Variants in PCDHA7 observed in about 807,000 individuals in gnomAD.
PCDHA7 encodes the protein protocadherin alpha-7.
Under a neutral mutation model 57.2 loss-of-function variants are expected in PCDHA7, and 37 were observed. The ratio of observed to expected loss-of-function variants is 0.65; its 90% CI spans 0.50 to 0.85. The LOEUF is 0.85. Among genes scored for constraint, PCDHA7 ranks in the 40% least tolerant of loss-of-function variants. The probability of loss-of-function intolerance (pLI) is 0.00; values close to 1 mark genes in which losing one functional copy is unlikely to be tolerated. For synonymous variants in PCDHA7, 553 were observed against 558.8 expected, an observed-to-expected ratio of 0.99 and a Z score of 0.15; for missense variants, 1,188 against 1,241.8, an observed-to-expected ratio of 0.96 and a Z score of 0.65.
At chr5:140,850,843 CA>C in intron 1 of PCDHA7, 1 of 1,597,346 alleles carries the variant, frequency 6.3e-7, no homozygotes, top group Non-Finnish European at 8.6e-7. Flanking sequence ...GCTGGATCTA[CA>C]GAGCGAACGG....
intron 1 of PCDHA7, among the ~76,000 whole-genome samples, chr5:140,908,608 G>T (rs1350424326): frequency 6.6e-6 from 1 of 152,182 alleles, no homozygotes; most frequent in African/African-American, 2.4e-5. Flanking sequence ...GAAGGGCCTT[G>T]CTCCAAAATC....
At chr5:140,881,388 G>A (rs2058697659) in intron 1 of PCDHA7, 1 of 983,292 alleles carries the variant, frequency 1.0e-6, no homozygotes, top group Non-Finnish European at 1.2e-6. Context: ...GCGGCGGTAA[G>A]TTAAATTCTA....
chr5:140,882,555 G>A (rs1554174539), intron 1 of PCDHA7: 1 of 1,614,272 alleles, frequency 6.2e-7, no homozygotes, highest in Admixed American at 1.7e-5. Flanking sequence ...GAGGAGCTGT[G>A]TGGGCGGAGC....
chr5:140,952,712 C>A (rs567610262), intron 1 of PCDHA7, among the ~76,000 whole-genome samples: 3 of 152,298 alleles, frequency 2.0e-5, no homozygotes, highest in Middle Eastern at 3.4e-3. Context: ...CTCTCAGTAT[C>A]AATTTTCTGT....
At chr5:140,947,524 A>G (rs894259499) in intron 1 of PCDHA7, among the ~76,000 whole-genome samples, 1 of 151,796 alleles carries the variant, frequency 6.6e-6, no homozygotes, top group Admixed American at 6.6e-5. Flanking sequence ...TTTAGAATCA[A>G]CTTTTCAATT....
intron 1 of PCDHA7, chr5:140,854,286 T>A: frequency 1.9e-6 from 1 of 522,000 alleles, no homozygotes; most frequent in Non-Finnish European, 2.5e-6. Flanking sequence ...AGTTTAGTTT[T>A]TATTATTTTG....
chr5:140,919,666 A>G (rs1247598579), intron 1 of PCDHA7, among the ~76,000 whole-genome samples: 1 of 152,154 alleles, frequency 6.6e-6, no homozygotes. Context: ...TATATATTTT[A>G]GCTTATTGGT....
intron 1 of PCDHA7, chr5:140,877,485 G>A (rs1554169791): frequency 6.2e-7 from 1 of 1,613,882 alleles, no homozygotes; most frequent in Admixed American, 1.7e-5. Flanking sequence ...CGCTGGTGGA[G>A]AACGGCCAGG....
At chr5:140,978,246 C>G (rs1243560833) in intron 1 of PCDHA7, among the ~76,000 whole-genome samples, 1 of 152,148 alleles carries the variant, frequency 6.6e-6, no homozygotes, top group Admixed American at 6.5e-5. Context: ...TCAGCTACTC[C>G]CTGTTAAACA....
chr5:140,964,785 C>G (rs890090665), intron 1 of PCDHA7, among the ~76,000 whole-genome samples: 40 of 151,526 alleles, frequency 2.6e-4, no homozygotes, highest in African/African-American at 9.7e-4. Context: ...GAGGAAGAAG[C>G]CAGAGACCCA....
rs782119738 is a variant in PCDHA7, at chr5:140,927,224, G to A, written c.2356-51725G>A. ...GACCCGCTGGAGCTGCACAAGATTC[G>A]GATTCACGTCCTGGACACCAATGAC... On this transcript the variant is annotated intron_variant, in intron 1 of 3. Coordinates refer to ENST00000525929, the MANE Select transcript of PCDHA7 (RefSeq NM_018910.3). 3 of 1,614,072 alleles carry A rather than the reference G, an allele frequency of 1.9e-6. No homozygotes were observed. The South Asian group carries it at 3.3e-5, about 18-fold the overall frequency.
chr5:140,963,395 C>T (rs544819387), intron 1 of PCDHA7, among the ~76,000 whole-genome samples: 4 of 152,322 alleles, frequency 2.6e-5, no homozygotes, highest in African/African-American at 7.2e-5. Flanking sequence ...AAGCTCCCTA[C>T]TGGATGCTGT....
Position 141,010,368 on chromosome 5 carries a change from C to A in PCDHA7, c.*431C>A. On this transcript the variant is annotated 3_prime_UTR_variant, in exon 4 of 4. Transcript: ENST00000525929. ...GGTATGTGTGGCTACCGCGGGTATG[C>A]GAGTGCCAGATATTGGCTGAGACGA... 2 of 1,471,050 alleles carry A rather than the reference C, an allele frequency of 1.4e-6. No homozygotes were observed. Among genetic ancestry groups the A allele is most frequent in the Non-Finnish European group, 1.8e-6 (2 of 1,106,904 alleles). The allele number at this position is 1,471,050 out of a possible 1,614,324, so 91.1% of individuals were successfully genotyped here. A position where few individuals can be genotyped will look rare whatever the true frequency, so the allele number is the denominator to read the frequency against.
intron 3 of PCDHA7, among the ~76,000 whole-genome samples, chr5:141,008,840 T>C (rs2098392722): frequency 6.6e-6 from 1 of 152,188 alleles, no homozygotes; most frequent in African/African-American, 2.4e-5. Context: ...CCTCTTACGC[T>C]GTGTATTCCC....
chr5:140,942,902 A>G (rs956281163), intron 1 of PCDHA7, among the ~76,000 whole-genome samples: 7 of 152,112 alleles, frequency 4.6e-5, no homozygotes, highest in Admixed American at 1.3e-4. Context: ...ATCTCTAAGA[A>G]TAAGCGTGAA....
intron 1 of PCDHA7, among the ~76,000 whole-genome samples, chr5:140,958,643 T>C (rs2095435479): frequency 1.3e-5 from 2 of 152,020 alleles, no homozygotes. Flanking sequence ...AGAAAACCAA[T>C]CACAGAAAGC....
At chr5:140,853,589 C>T (rs1053953271) in intron 1 of PCDHA7, 2 of 986,246 alleles carry the variant, frequency 2.0e-6, no homozygotes, top group Non-Finnish European at 1.2e-6. Context: ...ATCTTAGACA[C>T]TTTGAGAGCA....
chr5:140,972,290 C>T (rs1331683497), intron 1 of PCDHA7, among the ~76,000 whole-genome samples: 1 of 151,820 alleles, frequency 6.6e-6, no homozygotes, highest in African/African-American at 2.4e-5. Flanking sequence ...TAGATGTGCG[C>T]CACCGTGTCT....
Position 140,957,818 on chromosome 5 carries a change from A to T in PCDHA7, c.2356-21131A>T, listed in dbSNP as rs568420954. On this transcript the variant is annotated intron_variant, in intron 1 of 3. Transcript: ENST00000525929. ...GTTAAGTAAAAAAAAGTCACAAATT[A>T]AGAGAAAGTGTTAATTGATTTGAGA... Among the ~76,000 whole-genome samples the T allele has an allele frequency of 9.3e-4, 141 of 151,940 alleles. 1 individual carries two copies. Among genetic ancestry groups the T allele is most frequent in the African/African-American group, 2.9e-3 (121 of 41,526 alleles).
Sources: gnomAD v4.1 joint callset for allele counts (sites outside exome capture counted in the v4.1 genomes callset) on GRCh38, gnomAD v4.1.1 for gene constraint, MANE v1.5 for transcripts, NCBI Gene and HGNC (gene_info 2026-07-23, HGNC 2026-07-21) for gene names.